The following MAPT variants were observed in gnomAD, a reference collection of about 807,000 sequenced individuals.
MAPT encodes microtubule-associated protein tau.
In MAPT, 34 loss-of-function variants were observed where a neutral mutation model predicts 67.9. The observed-to-expected ratio is 0.50, with a 90% confidence interval of 0.38 to 0.67. The LOEUF (loss-of-function observed/expected upper bound fraction) is 0.67. MAPT is among the 30% of genes least tolerant of loss of function. The pLI is 0.00. For synonymous variants in MAPT, 456 were observed against 464.5 expected, an observed-to-expected ratio of 0.98 and a Z score of 0.23; for missense variants, 881 against 1,115.2, an observed-to-expected ratio of 0.79 and a Z score of 2.99.
intron 11 of MAPT, among the ~76,000 whole-genome samples, chr17:46,015,689 AACAC>A (rs1053970221): frequency 1.3e-5 from 2 of 152,122 alleles, no homozygotes; most frequent in African/African-American, 2.4e-5. Context: ...AACAAAAACA[AACAC>A]ACAACAAAAA....
chr17:45,929,010 T>C (rs948667941), intron 1 of MAPT, among the ~76,000 whole-genome samples: 1 of 152,178 alleles, frequency 6.6e-6, no homozygotes, highest in African/African-American at 2.4e-5. Flanking sequence ...TCAGTGGATA[T>C]ATTTTTAAAG....
intron 1 of MAPT, among the ~76,000 whole-genome samples, chr17:45,948,440 A>G (rs1049809070): frequency 2.0e-5 from 3 of 152,322 alleles, no homozygotes; most frequent in African/African-American, 7.2e-5. Context: ...TTATACCTTA[A>G]AGCAAAACAG....
chr17:45,953,006 G>GATGATC (rs2069241873), intron 1 of MAPT, among the ~76,000 whole-genome samples: 2 of 148,828 alleles, frequency 1.3e-5, no homozygotes, highest in African/African-American at 5.1e-5. Flanking sequence ...TAACACCTAT[G>GATGATC]ATGATGATGA....
chr17:45,941,648 C>CCCCTTCCCCCCTTCCA (rs1568207026), intron 1 of MAPT, among the ~76,000 whole-genome samples: 1 of 102,542 alleles, frequency 9.8e-6, no homozygotes, highest in Admixed American at 1.1e-4. Context: ...CCCTCCTTCC[C>CCCCTTCCCCCCTTCCA]CCCTTCCACC....
chr17:45,947,247 A>G (rs2068594890), intron 1 of MAPT, among the ~76,000 whole-genome samples: 1 of 152,060 alleles, frequency 6.6e-6, no homozygotes, highest in African/African-American at 2.4e-5. Flanking sequence ...AGGAGGGGAC[A>G]CAAAAGGAGA....
At chr17:45,904,980 G>C (rs1207526554) in intron 1 of MAPT, among the ~76,000 whole-genome samples, 1 of 152,098 alleles carries the variant, frequency 6.6e-6, no homozygotes, top group African/African-American at 2.4e-5. Context: ...CTCATTGCCA[G>C]GAAACATCAG....
chr17:45,984,379 C>T (rs892042066), intron 5 of MAPT, among the ~76,000 whole-genome samples: 3 of 152,220 alleles, frequency 2.0e-5, no homozygotes, highest in East Asian at 1.9e-4. Context: ...AGTAACTTGC[C>T]GAAGGCCAAT....
intron 2 of MAPT, among the ~76,000 whole-genome samples, chr17:45,968,095 C>T (rs769023912): frequency 4.6e-5 from 7 of 152,136 alleles, no homozygotes; most frequent in Non-Finnish European, 7.3e-5. Context: ...TAAAGCAGCG[C>T]GCCACAAACT....
intron 2 of MAPT, among the ~76,000 whole-genome samples, chr17:45,965,303 G>A (rs1027045676): frequency 3.3e-5 from 5 of 151,948 alleles, no homozygotes; most frequent in African/African-American, 9.6e-5. Flanking sequence ...GGTGGTGGGT[G>A]CCTGTAGTCC....
Position 45,971,203 on chromosome 17 carries a change from C to T in MAPT, c.134-656C>T, listed in dbSNP as rs191184666. Among the ~76,000 whole-genome samples the T allele has an allele frequency of 4.1e-4, 63 of 152,232 alleles. No homozygotes were observed. Among genetic ancestry groups the T allele is most frequent in the African/African-American group, 1.4e-3 (57 of 41,548 alleles). Reference sequence around the variant, plus strand: ...TACTAAGGACATTCTTGGTGGAGGGCGTGACTGTCAACCACTGTGATCATT... The same window carrying T: ...TACTAAGGACATTCTTGGTGGAGGGTGTGACTGTCAACCACTGTGATCATT... On this transcript the variant is annotated intron_variant, in intron 2 of 12. Coordinates refer to ENST00000262410, the MANE Select transcript of MAPT (RefSeq NM_001377265.1). This position sits in a 1 kb window ranked among gnomAD's most constrained non-coding sequence, Gnocchi z 4.3.
At chr17:45,965,773 G>A (rs1397552331) in intron 2 of MAPT, among the ~76,000 whole-genome samples, 1 of 152,074 alleles carries the variant, frequency 6.6e-6, no homozygotes, top group Non-Finnish European at 1.5e-5. Flanking sequence ...GTCCTGATTT[G>A]GGTGATAGTA....
chr17:45,911,166 C>G (rs1178700729), intron 1 of MAPT, among the ~76,000 whole-genome samples: 2 of 152,244 alleles, frequency 1.3e-5, no homozygotes, highest in Non-Finnish European at 2.9e-5. Flanking sequence ...TAATTCCACT[C>G]TTTGGGCTTC....
chr17:46,010,858 T>A lies in MAPT; in HGVS notation c.2091+456T>A, dbSNP rs756132113. On this transcript the variant is annotated intron_variant, in intron 10 of 12. Coordinates refer to ENST00000262410, the MANE Select transcript of MAPT (RefSeq NM_001377265.1). The surrounding 1 kb of genome is among the most constrained non-coding windows in gnomAD (Gnocchi z 4.7). ...GACACCTGGGCAGGTTGACGTTGAG[T>A]GGCTCCACTGTGGACAGGTGACCCG... 1.3e-5 allele frequency among the ~76,000 whole-genome samples: 2 copies of A among 152,194 alleles called. No homozygotes were observed. Among genetic ancestry groups the A allele is most frequent in the Non-Finnish European group, 2.9e-5 (2 of 68,034 alleles).
At position 45,999,258 on chromosome 17, in the gene MAPT, CT is replaced by C. The variant is rs1432312376; in HGVS notation, c.1998+2595del. On this transcript the variant is annotated intron_variant, in intron 9 of 12. Coordinates refer to ENST00000262410, the MANE Select transcript of MAPT (RefSeq NM_001377265.1). ...AACTCTGACCACACTGAGCATGTGTCTGCTGCTCCCTAGTCTGGGCCATGAG... is the reference window on the plus strand; with the variant it reads ...AACTCTGACCACACTGAGCATGTGTCGCTGCTCCCTAGTCTGGGCCATGAG... 5.0e-6 allele frequency: 8 copies of C among 1,607,442 alleles called. No homozygotes were observed. In the Admixed American group the frequency reaches 1.3e-4, roughly 27 times the overall value.
intron 11 of MAPT, among the ~76,000 whole-genome samples, chr17:46,014,530 A>G (rs1244982461): frequency 6.6e-6 from 1 of 152,152 alleles, no homozygotes; most frequent in Non-Finnish European, 1.5e-5. Flanking sequence ...CATGCTGCCC[A>G]AGACAAGGTG....
rs755138313 is a variant in MAPT at position 45,991,597 on chromosome 17, C to T, written c.1732+11C>T. On this transcript the variant is annotated intron_variant, in intron 8 of 12. Coordinates refer to ENST00000262410, the MANE Select transcript of MAPT (RefSeq NM_001377265.1). Reference sequence around the variant, plus strand: ...CACCACCCAGCTCTGGTAAGAAGAACGTTCTCTTGAATCTTAGAGGAAGCT... The same window carrying T: ...CACCACCCAGCTCTGGTAAGAAGAATGTTCTCTTGAATCTTAGAGGAAGCT... The T allele has an allele frequency of 6.8e-6, 11 of 1,613,928 alleles. No individual in the cohort carries two copies. Among genetic ancestry groups the T allele is most frequent in the South Asian group, 5.5e-5 (5 of 91,084 alleles).
rs377402921 is a variant in MAPT, at chr17:45,983,694, C to G, written c.1115C>G (p.Ala372Gly). ...PSVGRAKGQD[A>G]PLEFTFHVEI... ...GTAGGGCGGGCCAAAGGGCAGGATG[C>G]CCCCCTGGAGTTCACGTTTCACGTG... The change falls in exon 5 of 13, where the codon GCC becomes GGC. Residue 372 changes from alanine (A) to glycine (G), a missense_variant. By Grantham distance (60) the Ala-to-Gly change is moderately conservative. Coordinates refer to ENST00000262410, the MANE Select transcript of MAPT (RefSeq NM_001377265.1). The G allele has an allele frequency of 3.7e-6, 6 of 1,613,676 alleles. No individual in the cohort carries two copies. Among genetic ancestry groups the G allele is most frequent in the African/African-American group, 2.7e-5 (2 of 74,938 alleles).
chr17:45,999,064 G>C (rs1049502187), intron 9 of MAPT, among the ~76,000 whole-genome samples: 2 of 152,066 alleles, frequency 1.3e-5, no homozygotes, highest in Non-Finnish European at 2.9e-5. Flanking sequence ...GGGGTTCCCC[G>C]CCCATGCACC....
chr17:45,984,073 C>A, intron 5 of MAPT, 143 bp downstream of exon 5: 1 of 733,680 alleles, frequency 1.4e-6, no homozygotes, highest in Non-Finnish European at 2.3e-6. Context: ...CACCTGGGTG[C>A]AGCTGCTCCA....
Sources: gnomAD v4.1 joint callset for allele counts (sites outside exome capture counted in the v4.1 genomes callset) on GRCh38, gnomAD v4.1.1 for gene constraint, Gnocchi (gnomAD v3.1) non-coding constraint, MANE v1.5 for transcripts, NCBI Gene and HGNC (gene_info 2026-07-23, HGNC 2026-07-21) for gene names.